The following SLC35D2 variants were observed in gnomAD, a reference collection of about 807,000 sequenced individuals.
The protein encoded by SLC35D2 is solute carrier family 35 member D2, also known as nucleotide sugar transporter SLC35D2.
In SLC35D2, 43 loss-of-function variants were observed where a neutral mutation model predicts 41.8. The ratio of observed to expected loss-of-function variants is 1.03; its 90% CI spans 0.81 to 1.33. The LOEUF is 1.33. SLC35D2 is among the 40% of genes most tolerant of loss of function. The pLI is 0.00. For synonymous variants in SLC35D2, 150 were observed against 163.9 expected (o/e 0.92, Z 0.65); for missense variants, 380 against 408.4 (o/e 0.93, Z 0.60).
Position 96,383,643 on chromosome 9 carries a change from G to C in SLC35D2, c.-9C>G. ...TGGCCGCCGGCCGTCATCTCCTGCG[G>C]CCCCGCGGACCCCGCCGCCCGCCAG... On this transcript the variant is annotated 5_prime_UTR_variant, in exon 1 of 12. Coordinates refer to ENST00000253270, the MANE Select transcript of SLC35D2 (RefSeq NM_007001.3). The C allele has an allele frequency of 1.9e-6, 2 of 1,062,446 alleles. No homozygotes were observed. Among genetic ancestry groups the C allele is most frequent in the Non-Finnish European group, 2.3e-6 (2 of 882,944 alleles). The allele number at this position is 1,062,446 out of a possible 1,614,324, so 65.8% of individuals were successfully genotyped here. A position where few individuals can be genotyped will look rare whatever the true frequency, so the allele number is the denominator to read the frequency against.
chr9:96,315,102 C>T (rs949492840), intron 11 of SLC35D2, among the ~76,000 whole-genome samples: 4 of 152,164 alleles, frequency 2.6e-5, no homozygotes, highest in Admixed American at 6.5e-5. Flanking sequence ...GGACTCCTCA[C>T]GCTGCCATCT....
chr9:96,357,987 C>G (rs948807966), intron 4 of SLC35D2, among the ~76,000 whole-genome samples: 1 of 151,190 alleles, frequency 6.6e-6, no homozygotes, highest in Non-Finnish European at 1.5e-5. Context: ...TGCAAGTGAG[C>G]TGTGATCGCA....
At chr9:96,318,958 A>C (rs944668161), downstream of SLC35D2, among the ~76,000 whole-genome samples, 1 of 152,226 alleles carries the variant, frequency 6.6e-6, no homozygotes, top group Non-Finnish European at 1.5e-5. Context: ...ACAGCATAGC[A>C]GGTCCTCAAA....
At chr9:96,380,603 G>A (rs71499944) in intron 1 of SLC35D2, among the ~76,000 whole-genome samples, 3,822 of 151,630 alleles carry the variant, frequency 0.025, 69 homozygotes, top group Middle Eastern at 0.054. Flanking sequence ...GATTATAGGC[G>A]TGCACCACCA....
chr9:96,334,776 T>C (rs188432675), intron 9 of SLC35D2, among the ~76,000 whole-genome samples: 88 of 152,232 alleles, frequency 5.8e-4, no homozygotes, highest in African/African-American at 2.0e-3. Flanking sequence ...AATGCTGGGA[T>C]TGTCAGATAC....
At chr9:96,361,726 AAAGG>A (rs1342008449) in intron 3 of SLC35D2, among the ~76,000 whole-genome samples, 1 of 152,012 alleles carries the variant, frequency 6.6e-6, no homozygotes, top group Non-Finnish European at 1.5e-5. Flanking sequence ...AAAAAAAAAA[AAAGG>A]AAGTGGAAGA....
At chr9:96,319,696 G>A (rs1392710117), downstream of SLC35D2, among the ~76,000 whole-genome samples, 18 of 151,882 alleles carry the variant, frequency 1.2e-4, no homozygotes. Context: ...ATGATGTTTC[G>A]GCCATGTTAC....
At chr9:96,362,528 A>C (rs1458663422) in intron 3 of SLC35D2, among the ~76,000 whole-genome samples, 1 of 152,060 alleles carries the variant, frequency 6.6e-6, no homozygotes, top group Non-Finnish European at 1.5e-5. Flanking sequence ...AAAAAAAAGA[A>C]TTTAGGGATG....
At chr9:96,318,179 G>A (rs1026227952), downstream of SLC35D2, among the ~76,000 whole-genome samples, 4 of 152,236 alleles carry the variant, frequency 2.6e-5, no homozygotes, top group South Asian at 4.1e-4. Flanking sequence ...CACATTGAAG[G>A]CTGGGCACAG....
chr9:96,321,198 C>G lies in SLC35D2; in HGVS notation c.*44G>C, dbSNP rs370936127. On this transcript the variant is annotated 3_prime_UTR_variant, in exon 12 of 12. Transcript: ENST00000253270. ...CACATTCCTACTGGGAATGCCCCCC[C>G]AGCCCGCAGTCACAAGTCAGTCTCC... The G allele has an allele frequency of 9.7e-6, 14 of 1,449,142 alleles. No individual in the cohort carries two copies. The highest frequency in any genetic ancestry group is 2.8e-5 in the African/African-American group (2 of 71,510). The allele number at this position is 1,449,142 out of a possible 1,614,324, so 89.8% of individuals were successfully genotyped here.
intron 4 of SLC35D2, among the ~76,000 whole-genome samples, chr9:96,358,643 G>A (rs1830136778): frequency 6.6e-6 from 1 of 152,116 alleles, no homozygotes; most frequent in Non-Finnish European, 1.5e-5. Context: ...CATTGATAAA[G>A]GAAGCTTTTA....
At chr9:96,348,607 G>A (rs1564105679) in intron 6 of SLC35D2, among the ~76,000 whole-genome samples, 2 of 152,164 alleles carry the variant, frequency 1.3e-5, no homozygotes, top group East Asian at 1.9e-4. Context: ...GTCACTGCTG[G>A]TCTGTAGCTA....
intron 3 of SLC35D2, among the ~76,000 whole-genome samples, chr9:96,360,628 CAAAAAAAAAAAAAAAAA>C (rs906000581): frequency 6.4e-5 from 1 of 15,702 alleles, no homozygotes; most frequent in Non-Finnish European, 1.3e-4. Flanking sequence ...GACTTCATCT[CAAAAAAAAAAAAAAAAA>C]AAAAAAAAAG....
intron 2 of SLC35D2, among the ~76,000 whole-genome samples, chr9:96,365,787 T>G (rs1193299346): frequency 6.6e-6 from 1 of 152,240 alleles, no homozygotes; most frequent in East Asian, 1.9e-4. Context: ...ATCATTATTA[T>G]GAAATAAAAA....
intron 1 of SLC35D2, among the ~76,000 whole-genome samples, chr9:96,379,680 C>G (rs1388282750): frequency 6.6e-6 from 1 of 152,174 alleles, no homozygotes; most frequent in Non-Finnish European, 1.5e-5. Context: ...ACCACATCAA[C>G]CCACTCCTCC....
intron 4 of SLC35D2, among the ~76,000 whole-genome samples, chr9:96,355,670 T>C (rs1829994822): frequency 6.6e-6 from 1 of 151,976 alleles, no homozygotes; most frequent in South Asian, 2.1e-4. Flanking sequence ...CTAATTTTTG[T>C]ATTTTTAGTA....
At chr9:96,337,169 GTTTA>G (rs1829084696) in intron 8 of SLC35D2, among the ~76,000 whole-genome samples, 1 of 152,084 alleles carries the variant, frequency 6.6e-6, no homozygotes, top group Admixed American at 6.6e-5. Context: ...TCAAGGTTGG[GTTTA>G]TTTTTTATAA....
At chr9:96,345,269 A>C in intron 7 of SLC35D2, 30 bp downstream of exon 7, 2 of 1,176,618 alleles carry the variant, frequency 1.7e-6, no homozygotes, top group Admixed American at 2.2e-5. Flanking sequence ...CAGATGACAG[A>C]GCCAAAAAGC....
chr9:96,326,821 A>AG (rs1464560430), intron 9 of SLC35D2, among the ~76,000 whole-genome samples: 2 of 151,578 alleles, frequency 1.3e-5, no homozygotes. Flanking sequence ...AAAAAAAAAA[A>AG]GAAAATCCAA....
Sources: gnomAD v4.1 joint callset for allele counts (sites outside exome capture counted in the v4.1 genomes callset) on GRCh38, gnomAD v4.1.1 for gene constraint, MANE v1.5 for transcripts, NCBI Gene and HGNC (gene_info 2026-07-23, HGNC 2026-07-21) for gene names.